The following COL4A6 variants were observed in gnomAD, a reference collection of about 807,000 sequenced individuals.
The protein encoded by COL4A6 is collagen alpha-6(IV) chain.
A neutral mutation model predicts 126.7 loss-of-function variants in COL4A6; 59 were observed. That is an observed-to-expected ratio of 0.47 (90% CI 0.38 to 0.58). COL4A6 has a LOEUF of 0.58. COL4A6 is among the 20% of genes least tolerant of loss of function. The pLI, the probability that COL4A6 is intolerant of heterozygous loss-of-function variation, is 0.00. For missense variants in COL4A6, 1,285 were observed against 1,337.3 expected, an observed-to-expected ratio of 0.96 and a Z score of 0.61; for synonymous variants, 547 against 496.6, an observed-to-expected ratio of 1.10 and a Z score of -1.35.
chrX:108,275,785 A>G (rs2037584493), intron 3 of COL4A6, among the ~76,000 whole-genome samples: 1 of 113,219 alleles, frequency 8.8e-6, no homozygotes, highest in Non-Finnish European at 1.9e-5. Context: ...CCGAAACCCA[A>G]ATGAAAGCAC....
At chrX:108,271,227 C>A (rs1038979048) in intron 3 of COL4A6, among the ~76,000 whole-genome samples, 4 of 111,608 alleles carry the variant, frequency 3.6e-5, no homozygotes, top group Non-Finnish European at 7.5e-5. Flanking sequence ...AAAACCACAC[C>A]AGCCACAAGC....
chrX:108,370,108 G>A (rs2040291110), intron 2 of COL4A6, among the ~76,000 whole-genome samples: 1 of 112,255 alleles, frequency 8.9e-6, no homozygotes, highest in Admixed American at 9.4e-5. Context: ...CTACAAAGCA[G>A]CCATGTTTCA....
At chrX:108,160,955 G>T (rs1342003667) in intron 42 of COL4A6, among the ~76,000 whole-genome samples, 3 of 111,887 alleles carry the variant, frequency 2.7e-5, no homozygotes, top group African/African-American at 6.5e-5. Flanking sequence ...TGGCCTTGGG[G>T]TCTCTCTGAG....
chrX:108,412,346 A>G (rs146400903), intron 2 of COL4A6, among the ~76,000 whole-genome samples: 3,442 of 112,100 alleles, frequency 0.031, 127 homozygotes, highest in African/African-American at 0.11. Context: ...ATACATCAGT[A>G]TAGTTCACTG....
intron 2 of COL4A6, among the ~76,000 whole-genome samples, chrX:108,408,886 G>T (rs954366979): frequency 9.0e-6 from 1 of 111,706 alleles, no homozygotes; most frequent in African/African-American, 3.3e-5. Flanking sequence ...GCTTGAACCC[G>T]GGAGGCAGAG....
At chrX:108,410,468 G>A (rs2041303824) in intron 2 of COL4A6, among the ~76,000 whole-genome samples, 1 of 110,828 alleles carries the variant, frequency 9.0e-6, no homozygotes, top group East Asian at 2.8e-4. Context: ...ATGTTTTCCA[G>A]GTTAGATTGA....
chrX:108,206,210 C>A (rs939437895), intron 9 of COL4A6, among the ~76,000 whole-genome samples: 6 of 111,225 alleles, frequency 5.4e-5, no homozygotes, highest in Non-Finnish European at 1.1e-4. Context: ...ATTAGCAATA[C>A]CTGTCATGGG....
chrX:108,413,579 C>A (rs778880900), intron 2 of COL4A6, among the ~76,000 whole-genome samples: 83 of 111,724 alleles, frequency 7.4e-4, no homozygotes, highest in African/African-American at 2.6e-3. Context: ...CTGCCTCAGC[C>A]TCCTGAGTAG....
chrX:108,412,998 TG>T (rs1194639010), intron 2 of COL4A6, among the ~76,000 whole-genome samples: 3 of 112,423 alleles, frequency 2.7e-5, no homozygotes, highest in Admixed American at 9.4e-5. Context: ...TTGACTCATT[TG>T]CTCTTGTTTG....
chrX:108,406,480 G>A (rs778470511), intron 2 of COL4A6, among the ~76,000 whole-genome samples: 2 of 112,025 alleles, frequency 1.8e-5, no homozygotes, highest in South Asian at 7.5e-4. Context: ...GTTATCCAAG[G>A]TCCTCCTTGA....
At chrX:108,341,621 T>C (rs2039567589) in intron 2 of COL4A6, among the ~76,000 whole-genome samples, 1 of 111,233 alleles carries the variant, frequency 9.0e-6, no homozygotes, top group African/African-American at 3.3e-5. Context: ...TTTTTCTTTA[T>C]AAATTACTCA....
intron 7 of COL4A6, 63 bp downstream of exon 7, chrX:108,211,609 G>A (rs757906644): frequency 5.8e-6 from 6 of 1,029,296 alleles, no homozygotes; most frequent in Non-Finnish European, 8.2e-6. Flanking sequence ...CACTGGAGGT[G>A]GGGCCCAATG....
At chrX:108,400,748 G>T (rs180865541) in intron 2 of COL4A6, among the ~76,000 whole-genome samples, 98 of 111,497 alleles carry the variant, frequency 8.8e-4, no homozygotes, top group African/African-American at 2.7e-3. Flanking sequence ...ACAGATAAAA[G>T]ATAGCCTTCA....
intron 3 of COL4A6, among the ~76,000 whole-genome samples, chrX:108,244,974 C>T (rs1160815811): frequency 8.9e-6 from 1 of 111,948 alleles, no homozygotes; most frequent in African/African-American, 3.2e-5. Flanking sequence ...CTACAAAAGG[C>T]AGGCCTTCAC....
At chrX:108,269,451 C>T (rs933385265) in intron 3 of COL4A6, among the ~76,000 whole-genome samples, 2 of 111,531 alleles carry the variant, frequency 1.8e-5, no homozygotes, top group Admixed American at 9.5e-5. Flanking sequence ...CTTGAGATCT[C>T]AGAGATACTA....
intron 3 of COL4A6, among the ~76,000 whole-genome samples, chrX:108,297,944 C>G (rs2038371274): frequency 9.2e-6 from 1 of 108,506 alleles, no homozygotes; most frequent in Admixed American, 9.8e-5. Context: ...TTTTCTCTCT[C>G]TCACGTGTGT....
intron 43 of COL4A6, among the ~76,000 whole-genome samples, chrX:108,160,199 C>A (rs1402060286): frequency 8.9e-6 from 1 of 112,287 alleles, no homozygotes; most frequent in Non-Finnish European, 1.9e-5. Flanking sequence ...AATCTTTCCA[C>A]CAGCGTGTGT....
At chrX:108,201,198 T>C (rs1168529673) in intron 13 of COL4A6, among the ~76,000 whole-genome samples, 1 of 111,690 alleles carries the variant, frequency 9.0e-6, no homozygotes, top group Non-Finnish European at 1.9e-5. Flanking sequence ...TATCTCAAAG[T>C]ACTGTAGGGA....
At chrX:108,254,578 G>A (rs972221349) in intron 3 of COL4A6, among the ~76,000 whole-genome samples, 3 of 110,877 alleles carry the variant, frequency 2.7e-5, no homozygotes, top group African/African-American at 6.6e-5. Flanking sequence ...AACTTGACAG[G>A]TTGATTTGCT....
Sources: gnomAD v4.1 joint callset for allele counts (sites outside exome capture counted in the v4.1 genomes callset) on GRCh38, gnomAD v4.1.1 for gene constraint, MANE v1.5 for transcripts, NCBI Gene and HGNC (gene_info 2026-07-23, HGNC 2026-07-21) for gene names.